Variants in SNX13 observed in about 807,000 individuals in gnomAD.
SNX13 encodes sorting nexin 13.
SNX13 carries 45 observed loss-of-function variants against 133.6 expected under a neutral mutation model. The ratio of observed to expected loss-of-function variants is 0.34; its 90% confidence interval spans 0.27 to 0.43. The LOEUF (loss-of-function observed/expected upper bound fraction) is 0.43. SNX13 is among the 20% of genes least tolerant of loss of function. The probability of loss-of-function intolerance (pLI) is 1.00; values close to 1 mark genes in which losing one functional copy is unlikely to be tolerated. For synonymous variants in SNX13, 414 were observed against 373.9 expected (o/e 1.11, Z -1.24); for missense variants, 1,032 against 1,145.1 (o/e 0.90, Z 1.43).
Position 17,790,877 on chromosome 7 carries a change from TAAAG to T in SNX13, c.*3164_*3167del, listed in dbSNP as rs890665980. The T allele has an allele frequency of 4.0e-4, 61 of 152,178 alleles. No individual in the cohort carries two copies. The highest frequency in any genetic ancestry group is 1.2e-3 in the African/African-American group (51 of 41,570). 9.4% of individuals were successfully genotyped at this position (152,178 alleles called of 1,614,324 possible). On this transcript the variant is annotated 3_prime_UTR_variant, in exon 26 of 26. Transcript: ENST00000428135. ...ATTCTGATTGTTGTTTCTTCTTTGTTAAAGAAAGAAAGTATTGATAGAACAGTTA... is the reference window on the plus strand; with the variant it reads ...ATTCTGATTGTTGTTTCTTCTTTGTTAAAGAAAGTATTGATAGAACAGTTA...
intron 9 of SNX13, among the ~76,000 whole-genome samples, chr7:17,855,453 T>A (rs1376789727): frequency 2.0e-5 from 3 of 152,204 alleles, no homozygotes; most frequent in African/African-American, 2.4e-5. Context: ...AGTGTCTGGC[T>A]ACAAAGCCTC....
chr7:17,814,461 G>C (rs999277470), intron 20 of SNX13, among the ~76,000 whole-genome samples: 4 of 151,758 alleles, frequency 2.6e-5, no homozygotes, highest in African/African-American at 9.7e-5. Flanking sequence ...TTATTCAAAA[G>C]GCATACTTTC....
chr7:17,921,475 T>C (rs1289430089), intron 1 of SNX13, among the ~76,000 whole-genome samples: 3 of 152,154 alleles, frequency 2.0e-5, no homozygotes, highest in Non-Finnish European at 4.4e-5. Flanking sequence ...ACAACTTCAC[T>C]ATTTTTGCTT....
intron 22 of SNX13, among the ~76,000 whole-genome samples, chr7:17,800,877 G>A (rs1225867984): frequency 6.6e-6 from 1 of 150,864 alleles, no homozygotes; most frequent in African/African-American, 2.4e-5. Context: ...AACCAGAATG[G>A]CTAAAATTAA....
chr7:17,893,145 C>T (rs901685365), intron 3 of SNX13, among the ~76,000 whole-genome samples, 187 bp downstream of exon 3: 1 of 152,092 alleles, frequency 6.6e-6, no homozygotes. Flanking sequence ...AAATCTAACA[C>T]TAAGAAAGTT....
chr7:17,910,461 T>C (rs557377921), intron 1 of SNX13, among the ~76,000 whole-genome samples: 2 of 152,228 alleles, frequency 1.3e-5, no homozygotes, highest in African/African-American at 4.8e-5. Context: ...AAAAACAAAA[T>C]GGAGGTATGT....
intron 1 of SNX13, among the ~76,000 whole-genome samples, chr7:17,934,393 A>G (rs1801794240): frequency 6.6e-6 from 1 of 152,334 alleles, no homozygotes; most frequent in East Asian, 1.9e-4. Context: ...TGTCAACTTG[A>G]CTATATTAAG....
chr7:17,897,302 T>C (rs914954350), intron 2 of SNX13, 32 bp downstream of exon 2: 18 of 1,248,232 alleles, frequency 1.4e-5, no homozygotes, highest in Non-Finnish European at 2.0e-5. Flanking sequence ...ATATGACACA[T>C]GAATTATAAA....
chr7:17,844,244 T>C (rs1473545240), intron 12 of SNX13, among the ~76,000 whole-genome samples: 3 of 151,944 alleles, frequency 2.0e-5, no homozygotes, highest in African/African-American at 7.2e-5. Flanking sequence ...ATATTACTAA[T>C]GACTCTACAA....
chr7:17,906,185 T>C (rs755063905), intron 1 of SNX13, among the ~76,000 whole-genome samples: 2 of 152,126 alleles, frequency 1.3e-5, no homozygotes, highest in Non-Finnish European at 2.9e-5. Flanking sequence ...CCATGAATTA[T>C]AATAAACTGA....
chr7:17,826,253 C>T (rs1583383549), intron 16 of SNX13, among the ~76,000 whole-genome samples, 162 bp from the exon 17 acceptor site: 1 of 151,796 alleles, frequency 6.6e-6, no homozygotes, highest in East Asian at 1.9e-4. Context: ...TAATATTTTC[C>T]ATTTAGGCTA....
chr7:17,894,378 A>G (rs998407048), intron 2 of SNX13, among the ~76,000 whole-genome samples: 3 of 152,134 alleles, frequency 2.0e-5, no homozygotes, highest in African/African-American at 4.8e-5. Flanking sequence ...ATGAATCTAA[A>G]TATGTAGCTA....
At chr7:17,924,719 A>G (rs1401973545) in intron 1 of SNX13, among the ~76,000 whole-genome samples, 5 of 152,238 alleles carry the variant, frequency 3.3e-5, no homozygotes, top group African/African-American at 7.2e-5. Context: ...GAAATAACCC[A>G]TATGTCCAGC....
At chr7:17,924,030 G>C (rs1220342244) in intron 1 of SNX13, among the ~76,000 whole-genome samples, 1 of 152,030 alleles carries the variant, frequency 6.6e-6, no homozygotes, top group African/African-American at 2.4e-5. Context: ...TATTTATCTT[G>C]TATATATGCT....
intron 1 of SNX13, among the ~76,000 whole-genome samples, chr7:17,907,853 T>C (rs1047715370): frequency 6.6e-6 from 1 of 152,224 alleles, no homozygotes; most frequent in Non-Finnish European, 1.5e-5. Context: ...CCCAGGGTTC[T>C]GTTTTTACCT....
In SNX13 at chr7:17,791,715, T is replaced by C. The variant is rs1435557529; in HGVS notation, c.*2330A>G. On this transcript the variant is annotated 3_prime_UTR_variant, in exon 26 of 26. Coordinates refer to ENST00000428135, the MANE Select transcript of SNX13 (RefSeq NM_015132.5). ...TCATATATGCAATAAATGCATTAAA[T>C]GTAACTTTATTAAACATAGTACACT... The C allele has an allele frequency of 6.6e-6, 1 of 152,138 alleles. No homozygotes were observed. Among genetic ancestry groups the C allele is most frequent in the African/African-American group, 2.4e-5 (1 of 41,458 alleles). The allele number at this position is 152,138 out of a possible 1,614,324, so 9.4% of individuals were successfully genotyped here. A position where few individuals can be genotyped will look rare whatever the true frequency, so the allele number is the denominator to read the frequency against.
In SNX13 at chr7:17,890,564, G is replaced by C. The variant is rs368300255; in HGVS notation, c.319-80C>G. 2.5e-5 allele frequency: 26 copies of C among 1,027,502 alleles called. No individual in the cohort carries two copies. In the South Asian group the frequency reaches 4.6e-4, roughly 18 times the overall value. 63.6% of individuals were successfully genotyped at this position (1,027,502 alleles called of 1,614,324 possible). ...CAGTGGTAAACTAAAAAAGTATGCT[G>C]TATCTACCAATTTATATTTACTCTC... On this transcript the variant is annotated intron_variant, in intron 4 of 25. Transcript: ENST00000428135.
At chr7:17,910,258 T>A (rs1798821991) in intron 1 of SNX13, among the ~76,000 whole-genome samples, 1 of 152,178 alleles carries the variant, frequency 6.6e-6, no homozygotes, top group Admixed American at 6.5e-5. Context: ...GGAAAAGAAA[T>A]TCACCTCAGT....
Position 17,821,647 on chromosome 7 carries a change from G to A in SNX13, c.1707C>T (p.Gly569=), listed in dbSNP as rs771896338. The change falls in exon 18 of 26, where the codon GGC becomes GGT. Residue 569 remains glycine (G), a splice_region_variant and synonymous_variant. Transcript: ENST00000428135. ...VQLHAYISDT[G]VCNDHGKTYA... ...ATGTCTTGCCATGATCATTACAAAC[G>A]CCTGCCACAGCATATGGGTCATAGT... 9.9e-6 allele frequency: 16 copies of A among 1,612,664 alleles called. No individual in the cohort carries two copies. The highest frequency in any genetic ancestry group is 6.7e-5 in the Admixed American group (4 of 59,930).
Sources: allele counts gnomAD v4.1 joint callset (sites outside exome capture counted in the v4.1 genomes callset), GRCh38; gene constraint gnomAD v4.1.1; transcripts MANE v1.5; gene names NCBI Gene and HGNC (gene_info 2026-07-23, HGNC 2026-07-21).